The following KLHL29 variants were observed in gnomAD, a reference collection of about 807,000 sequenced individuals.
KLHL29 encodes the protein kelch like family member 29.
KLHL29 carries 21 observed loss-of-function variants against 80.4 expected under a neutral mutation model. That is an observed-to-expected ratio of 0.26 (90% confidence interval 0.19 to 0.38). KLHL29 has a LOEUF of 0.38. KLHL29 is among the 10% of genes least tolerant of loss of function. KLHL29 has a pLI of 1.00. For synonymous variants in KLHL29, 511 were observed against 526.8 expected (o/e 0.97, Z 0.41); for missense variants, 867 against 1,223.9 (o/e 0.71, Z 4.35).
intron 1 of KLHL29, among the ~76,000 whole-genome samples, chr2:23,435,908 T>G (rs1663327447): frequency 6.6e-6 from 1 of 151,632 alleles, no homozygotes; most frequent in Admixed American, 6.6e-5. Flanking sequence ...TCTTTTTTTT[T>G]TTTTTTTTTT....
chr2:23,650,021 C>T (rs1361944599), intron 5 of KLHL29, among the ~76,000 whole-genome samples: 2 of 152,340 alleles, frequency 1.3e-5, no homozygotes, highest in Admixed American at 6.5e-5. Context: ...ACAGAGCCCA[C>T]GTGTGGCTTC....
intron 3 of KLHL29, among the ~76,000 whole-genome samples, chr2:23,634,660 G>A (rs926356379): frequency 1.3e-5 from 2 of 152,146 alleles, no homozygotes; most frequent in African/African-American, 2.4e-5. Flanking sequence ...GGGCTAATGA[G>A]TTCTGCTGGT....
intron 1 of KLHL29, among the ~76,000 whole-genome samples, chr2:23,385,981 G>A (rs1666167483): frequency 6.6e-6 from 1 of 152,044 alleles, no homozygotes; most frequent in Non-Finnish European, 1.5e-5. Context: ...TTGCGCCTGC[G>A]CTGCTCCAGG....
At chr2:23,532,793 C>A in intron 2 of KLHL29, among the ~76,000 whole-genome samples, 1 of 152,292 alleles carries the variant, frequency 6.6e-6, no homozygotes, top group Non-Finnish European at 1.5e-5. Context: ...CTGTTCGCCA[C>A]AGGCCTCTGC....
chr2:23,601,480 CTCTGTGG>C (rs1343414194), intron 3 of KLHL29, among the ~76,000 whole-genome samples: 1 of 152,184 alleles, frequency 6.6e-6, no homozygotes, highest in East Asian at 1.9e-4. Context: ...AAGCCTCCCC[CTCTGTGG>C]TTTGCCACAG....
intron 5 of KLHL29, chr2:23,668,449 G>A (rs1446428065): frequency 6.6e-6 from 1 of 152,278 alleles, no homozygotes; most frequent in Non-Finnish European, 1.5e-5. Flanking sequence ...TTGCACCCCT[G>A]TCGAACAGGT....
intron 1 of KLHL29, among the ~76,000 whole-genome samples, chr2:23,409,437 C>T (rs1207110244): frequency 6.6e-6 from 1 of 152,208 alleles, no homozygotes; most frequent in East Asian, 1.9e-4. Flanking sequence ...TGTGAATGTT[C>T]TGATGGTGTG....
At chr2:23,460,601 G>C (rs1664182658) in intron 1 of KLHL29, among the ~76,000 whole-genome samples, 1 of 152,136 alleles carries the variant, frequency 6.6e-6, no homozygotes, top group Non-Finnish European at 1.5e-5. Context: ...TGAGCACTTG[G>C]ACACACAGTG....
intron 5 of KLHL29, among the ~76,000 whole-genome samples, chr2:23,675,840 T>A (rs1278003792): frequency 6.6e-6 from 1 of 152,220 alleles, no homozygotes; most frequent in Non-Finnish European, 1.5e-5. Flanking sequence ...GTCCATCCGA[T>A]TCCACACAAC....
At chr2:23,476,135 A>G (rs1664634560) in intron 2 of KLHL29, among the ~76,000 whole-genome samples, 1 of 152,060 alleles carries the variant, frequency 6.6e-6, no homozygotes, top group Non-Finnish European at 1.5e-5. Context: ...TCAGCCTCCC[A>G]AAGCGCTGCG....
chr2:23,591,382 A>G (rs962831487), intron 3 of KLHL29, among the ~76,000 whole-genome samples: 1 of 152,128 alleles, frequency 6.6e-6, no homozygotes. Flanking sequence ...CCTGAGCCAC[A>G]TGACAGCTGC....
At chr2:23,605,359 A>G (rs545212329) in intron 3 of KLHL29, among the ~76,000 whole-genome samples, 27 of 151,946 alleles carry the variant, frequency 1.8e-4, no homozygotes, top group African/African-American at 6.3e-4. Context: ...CGGCCTCCCA[A>G]AGTGCTGAGA....
chr2:23,537,082 C>T (rs1666691679), intron 2 of KLHL29, among the ~76,000 whole-genome samples: 1 of 152,140 alleles, frequency 6.6e-6, no homozygotes, highest in South Asian at 2.1e-4. Flanking sequence ...GGTCCCACGC[C>T]ACCTTGCCCC....
At chr2:23,399,732 G>C (rs1454795308) in intron 1 of KLHL29, among the ~76,000 whole-genome samples, 1 of 152,066 alleles carries the variant, frequency 6.6e-6, no homozygotes, top group Non-Finnish European at 1.5e-5. Flanking sequence ...CCCTCTTCTG[G>C]TCAACCCCCA....
At chr2:23,412,075 G>A (rs1262393893) in intron 1 of KLHL29, among the ~76,000 whole-genome samples, 2 of 149,456 alleles carry the variant, frequency 1.3e-5, no homozygotes, top group Non-Finnish European at 3.0e-5. Flanking sequence ...TGGTTTCCAT[G>A]CTTGGAGTAT....
chr2:23,704,741 T>C (rs1201001751), intron 13 of KLHL29, among the ~76,000 whole-genome samples: 9 of 152,144 alleles, frequency 5.9e-5, no homozygotes, highest in Non-Finnish European at 1.3e-4. Context: ...CACTCCAGCC[T>C]GGGTGACAGG....
intron 2 of KLHL29, among the ~76,000 whole-genome samples, chr2:23,516,933 T>C (rs1452930460): frequency 6.6e-6 from 1 of 152,242 alleles, no homozygotes; most frequent in Non-Finnish European, 1.5e-5. Flanking sequence ...CCCATGTCTC[T>C]GAAGACAGGG....
chr2:23,546,818 A>G (rs1666989989), intron 2 of KLHL29, among the ~76,000 whole-genome samples: 1 of 152,216 alleles, frequency 6.6e-6, no homozygotes, highest in Non-Finnish European at 1.5e-5. Context: ...GGAAGTGTCC[A>G]GATGCAAAAG....
chr2:23,525,687 T>C (rs1434162281), intron 2 of KLHL29, among the ~76,000 whole-genome samples: 4 of 151,238 alleles, frequency 2.6e-5, no homozygotes, highest in African/African-American at 9.7e-5. Context: ...CTGCTGGGAC[T>C]TTCCTCGCTC....
Sources: gnomAD v4.1 joint callset for allele counts (sites outside exome capture counted in the v4.1 genomes callset) on GRCh38, gnomAD v4.1.1 for gene constraint, MANE v1.5 for transcripts, NCBI Gene and HGNC (gene_info 2026-07-23, HGNC 2026-07-21) for gene names.